SNX7: variants seen among roughly 807,000 people sequenced by gnomAD.
SNX7 encodes the protein sorting nexin 7, also known as sorting nexin-7.
In SNX7, 35 loss-of-function variants were observed where a neutral mutation model predicts 48.4. The ratio of observed to expected loss-of-function variants is 0.72; its 90% CI spans 0.55 to 0.96. The LOEUF (loss-of-function observed/expected upper bound fraction) is 0.96, where lower values mean the gene tolerates loss of function less well. Among genes scored for constraint, SNX7 ranks in the 40% least tolerant of loss-of-function variants. The pLI is 0.00. For synonymous variants in SNX7, 190 were observed against 190.2 expected (o/e 1.00, Z 0.01); for missense variants, 553 against 548.9 (o/e 1.01, Z -0.07).
intron 7 of SNX7, among the ~76,000 whole-genome samples, chr1:98,736,382 G>A (rs773110237): frequency 3.9e-5 from 6 of 152,136 alleles, no homozygotes; most frequent in South Asian, 2.1e-4. Context: ...GCTCTCTAAC[G>A]TCCCTGAGGT....
chr1:98,680,537 CT>C (rs369440563), intron 1 of SNX7, among the ~76,000 whole-genome samples: 6 of 152,264 alleles, frequency 3.9e-5, no homozygotes, highest in Non-Finnish European at 7.4e-5. Flanking sequence ...AAGTTCTGGA[CT>C]TTTATGCTCC....
At chr1:98,703,725 TAGAG>T (rs1403775582) in intron 7 of SNX7, among the ~76,000 whole-genome samples, 2 of 151,884 alleles carry the variant, frequency 1.3e-5, no homozygotes, top group African/African-American at 2.4e-5. Context: ...TAACTATATA[TAGAG>T]AGAGAGTTAA....
chr1:98,722,924 A>G (rs1025046567), intron 7 of SNX7, among the ~76,000 whole-genome samples: 4 of 152,180 alleles, frequency 2.6e-5, no homozygotes, highest in African/African-American at 9.6e-5. Flanking sequence ...AGGAGAAATA[A>G]GCCTGGATTA....
intron 7 of SNX7, among the ~76,000 whole-genome samples, chr1:98,711,965 C>T (rs1468706907): frequency 2.6e-5 from 4 of 152,118 alleles, no homozygotes; most frequent in Admixed American, 6.5e-5. Flanking sequence ...CAGTAGATCC[C>T]GCCTCAAGAA....
chr1:98,679,979 CTGTG>C (rs997583796), intron 1 of SNX7, among the ~76,000 whole-genome samples: 1 of 152,240 alleles, frequency 6.6e-6, no homozygotes, highest in Non-Finnish European at 1.5e-5. Context: ...AGTAGGGACT[CTGTG>C]TGGGGGCTCC....
chr1:98,687,746 C>G (rs1047919527), intron 2 of SNX7, among the ~76,000 whole-genome samples: 2 of 152,104 alleles, frequency 1.3e-5, no homozygotes, highest in East Asian at 1.9e-4. Context: ...TTTATAAAGG[C>G]GGGACATTTA....
At chr1:98,706,123 C>T (rs547390613) in intron 7 of SNX7, among the ~76,000 whole-genome samples, 151 of 152,178 alleles carry the variant, frequency 9.9e-4, no homozygotes, top group Non-Finnish European at 1.9e-3. Flanking sequence ...ACCATATGAA[C>T]GTCACTGTTC....
chr1:98,747,124 GGTTT>G (rs1263878483), intron 8 of SNX7, among the ~76,000 whole-genome samples: 2 of 152,008 alleles, frequency 1.3e-5, no homozygotes, highest in African/African-American at 4.8e-5. Flanking sequence ...TAGTTAAGCA[GGTTT>G]ATTTACTAAA....
chr1:98,679,804 G>T (rs1650378621), intron 1 of SNX7, among the ~76,000 whole-genome samples: 1 of 152,226 alleles, frequency 6.6e-6, no homozygotes, highest in African/African-American at 2.4e-5. Flanking sequence ...CTCTGCCCCT[G>T]TGGCTTTGCA....
intron 8 of SNX7, among the ~76,000 whole-genome samples, chr1:98,755,262 A>C (rs1263119753): frequency 6.6e-6 from 1 of 152,126 alleles, no homozygotes; most frequent in East Asian, 1.9e-4. Context: ...CATGTGAAAG[A>C]AAATATGTAT....
chr1:98,719,003 A>G (rs896112095), intron 7 of SNX7, among the ~76,000 whole-genome samples: 2 of 152,138 alleles, frequency 1.3e-5, no homozygotes, highest in East Asian at 3.8e-4. Context: ...AGAATTTTGT[A>G]CACGTTATTT....
intron 8 of SNX7, among the ~76,000 whole-genome samples, chr1:98,754,981 AT>A (rs1423313209): frequency 6.6e-6 from 1 of 151,974 alleles, no homozygotes; most frequent in Admixed American, 6.6e-5. Flanking sequence ...GCATACCAAA[AT>A]TTTTGATGTG....
chr1:98,684,096 C>A lies in SNX7; in HGVS notation c.181-789C>A, dbSNP rs1415475744. 2.0e-5 allele frequency among the ~76,000 whole-genome samples: 3 copies of A among 152,162 alleles called. No individual in the cohort carries two copies. In the South Asian group the frequency reaches 6.2e-4, roughly 32 times the overall value. ...GTTCTTGGTGCCTCCAATTCTTGAACCTTTCTGGCATTCTACATCATAAAT... is the reference window on the plus strand; with the variant it reads ...GTTCTTGGTGCCTCCAATTCTTGAAACTTTCTGGCATTCTACATCATAAAT... On this transcript the variant is annotated intron_variant, in intron 1 of 8. Coordinates refer to ENST00000306121, the MANE Select transcript of SNX7 (RefSeq NM_015976.5).
intron 2 of SNX7, among the ~76,000 whole-genome samples, chr1:98,688,849 A>G (rs1176458205): frequency 6.6e-6 from 1 of 152,126 alleles, no homozygotes; most frequent in Non-Finnish European, 1.5e-5. Context: ...ATGTTATCAA[A>G]CCCAGTTATT....
intron 1 of SNX7, among the ~76,000 whole-genome samples, chr1:98,664,582 G>A (rs551278446): frequency 3.6e-4 from 55 of 151,880 alleles, no homozygotes; most frequent in Non-Finnish European, 6.6e-4. Flanking sequence ...CGTATTACAA[G>A]TACATGGCAA....
chr1:98,677,666 T>G (rs1184150121), intron 1 of SNX7, among the ~76,000 whole-genome samples: 1 of 151,892 alleles, frequency 6.6e-6, no homozygotes, highest in African/African-American at 2.4e-5. Flanking sequence ...GATCACGAGG[T>G]CAGGAGTTCA....
intron 8 of SNX7, among the ~76,000 whole-genome samples, chr1:98,757,617 T>C (rs1229693361): frequency 1.3e-5 from 2 of 152,038 alleles, no homozygotes; most frequent in African/African-American, 4.8e-5. Flanking sequence ...TCCATAACAC[T>C]GGGGTAATCA....
intron 7 of SNX7, among the ~76,000 whole-genome samples, chr1:98,726,791 C>T (rs190911327): frequency 9.7e-4 from 147 of 152,298 alleles, no homozygotes; most frequent in African/African-American, 3.0e-3. Context: ...ATGCCCAGTG[C>T]AATGTGAATC....
At chr1:98,742,390 C>T (rs1354976576) in intron 8 of SNX7, among the ~76,000 whole-genome samples, 1 of 152,052 alleles carries the variant, frequency 6.6e-6, no homozygotes, top group African/African-American at 2.4e-5. Flanking sequence ...CTCACATGAC[C>T]GTATCTGTTA....
Sources: allele counts gnomAD v4.1 joint callset (sites outside exome capture counted in the v4.1 genomes callset), GRCh38; gene constraint gnomAD v4.1.1; transcripts MANE v1.5; gene names NCBI Gene and HGNC (gene_info 2026-07-23, HGNC 2026-07-21).